ZFAND3: variants seen among roughly 807,000 people sequenced by gnomAD.
ZFAND3 encodes AN1-type zinc finger protein 3.
A neutral mutation model predicts 29.6 loss-of-function variants in ZFAND3; 10 were observed. The observed-to-expected ratio is 0.34, with a 90% confidence interval of 0.21 to 0.57. The LOEUF (loss-of-function observed/expected upper bound fraction) is 0.57, where lower values mean the gene tolerates loss of function less well. ZFAND3 is among the 20% of genes least tolerant of loss of function. The pLI is 0.86. For synonymous variants in ZFAND3, 128 were observed against 112.6 expected (o/e 1.14, Z -0.87); for missense variants, 230 against 304.5 (o/e 0.76, Z 1.82).
chr6:37,905,474 GTAAT>G (rs1276600453), intron 1 of ZFAND3, among the ~76,000 whole-genome samples: 2 of 152,188 alleles, frequency 1.3e-5, no homozygotes, highest in East Asian at 3.9e-4. Flanking sequence ...AACCAGTAAG[GTAAT>G]TAATAATTAA....
chr6:38,126,923 GTT>G (rs200448401), intron 5 of ZFAND3, among the ~76,000 whole-genome samples: 5 of 142,412 alleles, frequency 3.5e-5, no homozygotes, highest in African/African-American at 1.0e-4. Context: ...TTTTTAGATT[GTT>G]TTTTTTTTTG....
In ZFAND3 at chr6:38,134,637, C is replaced by T. The variant is rs1429662915; in HGVS notation, c.530-17598C>T. On this transcript the variant is annotated intron_variant, in intron 5 of 5. Coordinates refer to ENST00000287218, the MANE Select transcript of ZFAND3 (RefSeq NM_021943.3). ...TTTATTAGATGAGATTTCTATAGCA[C>T]CTTTACTCTGAGAAGATCAGTATCA... Among the ~76,000 whole-genome samples the T allele has an allele frequency of 2.0e-5, 3 of 152,174 alleles. No individual in the cohort carries two copies. The East Asian group carries it at 5.8e-4, about 29-fold the overall frequency.
Position 37,881,785 on chromosome 6 carries a change from TC to T in ZFAND3, c.72-48173del, listed in dbSNP as rs148769741. 3.1e-3 allele frequency among the ~76,000 whole-genome samples: 470 copies of T among 152,276 alleles called. 4 individuals are homozygous for T. The highest frequency in any genetic ancestry group is 0.011 in the African/African-American group (447 of 41,552). On this transcript the variant is annotated intron_variant, in intron 1 of 5. Coordinates refer to ENST00000287218, the MANE Select transcript of ZFAND3 (RefSeq NM_021943.3). ...AAAGTTCAGTGTTGAGAGCTGGACT[TC>T]AGGGATAGGGGTAGGCAAGAGTAGA... is the stretch of plus-strand genomic sequence containing the variant.
chr6:38,053,731 T>C (rs1018678466), intron 2 of ZFAND3, among the ~76,000 whole-genome samples: 1 of 152,140 alleles, frequency 6.6e-6, no homozygotes, highest in Non-Finnish European at 1.5e-5. Flanking sequence ...AGGAATCTTA[T>C]AGATGATGAT....
intron 2 of ZFAND3, among the ~76,000 whole-genome samples, chr6:38,053,943 TA>T (rs777488431): frequency 5.9e-5 from 9 of 152,028 alleles, no homozygotes; most frequent in Non-Finnish European, 1.2e-4. Context: ...AGACAAGGTC[TA>T]TTTTTTTTTT....
chr6:38,043,234 T>TC (rs1277905767), intron 2 of ZFAND3, among the ~76,000 whole-genome samples: 3 of 151,676 alleles, frequency 2.0e-5, no homozygotes, highest in Admixed American at 6.6e-5. Context: ...CCTCCGTATC[T>TC]CCCTTTTCCC....
At chr6:38,135,038 A>G (rs1394523552) in intron 5 of ZFAND3, among the ~76,000 whole-genome samples, 2 of 151,962 alleles carry the variant, frequency 1.3e-5, no homozygotes, top group Non-Finnish European at 2.9e-5. Flanking sequence ...GCCTGATGTC[A>G]GGGGGCACTA....
chr6:38,065,930 A>G (rs774578858), intron 3 of ZFAND3, among the ~76,000 whole-genome samples: 9 of 152,220 alleles, frequency 5.9e-5, no homozygotes, highest in Admixed American at 2.0e-4. Context: ...AGTGCTGAGT[A>G]TAGAAATGAG....
chr6:38,150,929 C>A (rs1014172134), intron 5 of ZFAND3, among the ~76,000 whole-genome samples: 5 of 152,146 alleles, frequency 3.3e-5, no homozygotes, highest in African/African-American at 1.2e-4. Flanking sequence ...TGATCCAGGC[C>A]CACGGGGCCT....
chr6:38,131,420 G>A (rs539635551), intron 5 of ZFAND3, among the ~76,000 whole-genome samples: 2 of 152,298 alleles, frequency 1.3e-5, no homozygotes, highest in African/African-American at 4.8e-5. Context: ...AGGTAAAAAC[G>A]CAGTTCTTTA....
At chr6:37,945,298 T>C (rs578011331) in intron 2 of ZFAND3, among the ~76,000 whole-genome samples, 49 of 152,344 alleles carry the variant, frequency 3.2e-4, no homozygotes, top group African/African-American at 1.0e-3. Flanking sequence ...GTATTATTCC[T>C]GTCTCAGGGC....
intron 1 of ZFAND3, among the ~76,000 whole-genome samples, chr6:37,906,083 T>G (rs188309677): frequency 2.4e-4 from 36 of 152,274 alleles, no homozygotes; most frequent in Admixed American, 8.5e-4. Flanking sequence ...TTAACCATTT[T>G]TAAGTAAATC....
chr6:38,012,028 T>G (rs1252127397), intron 2 of ZFAND3, among the ~76,000 whole-genome samples: 1 of 152,192 alleles, frequency 6.6e-6, no homozygotes, highest in Non-Finnish European at 1.5e-5. Context: ...TTGAAACAAA[T>G]TCTGTAATAG....
intron 1 of ZFAND3, among the ~76,000 whole-genome samples, chr6:37,914,690 A>G (rs1403309973): frequency 1.9e-4 from 5 of 26,958 alleles, no homozygotes; most frequent in Non-Finnish European, 3.4e-4. Context: ...TTTAGTGGAG[A>G]CGGGGTTTCG....
chr6:37,968,102 A>G (rs752567282), intron 2 of ZFAND3, among the ~76,000 whole-genome samples: 5 of 152,270 alleles, frequency 3.3e-5, no homozygotes, highest in Admixed American at 2.6e-4. Context: ...TCCTGGGTCA[A>G]TAATTTGTAT....
intron 2 of ZFAND3, among the ~76,000 whole-genome samples, chr6:37,958,323 G>A (rs1194720787): frequency 3.3e-5 from 5 of 151,858 alleles, no homozygotes; most frequent in South Asian, 2.1e-4. Context: ...GCGTGGTGGC[G>A]GGCGCCTGTA....
intron 2 of ZFAND3, among the ~76,000 whole-genome samples, chr6:37,957,925 ATTTG>A (rs1033373382): frequency 6.6e-6 from 1 of 152,192 alleles, no homozygotes; most frequent in African/African-American, 2.4e-5. Context: ...ATGCTCTATG[ATTTG>A]TTTGACTATA....
At chr6:38,060,364 C>A (rs1764210814) in intron 2 of ZFAND3, among the ~76,000 whole-genome samples, 4 of 151,646 alleles carry the variant, frequency 2.6e-5, no homozygotes, top group Admixed American at 2.6e-4. Context: ...TGTTCATCCT[C>A]TCCTCTCCCC....
intron 5 of ZFAND3, among the ~76,000 whole-genome samples, chr6:38,132,743 GTGGCATCTCCTGCATGGAGGATGTA>G (rs1018963732): frequency 6.6e-6 from 1 of 152,204 alleles, no homozygotes; most frequent in Non-Finnish European, 1.5e-5. Flanking sequence ...TGGAGGGAGT[GTGGCATCTCCTGCATGGAGGATGTA>G]TGGCATCTCC....
Sources: allele counts gnomAD v4.1 joint callset (sites outside exome capture counted in the v4.1 genomes callset), GRCh38; gene constraint gnomAD v4.1.1; transcripts MANE v1.5; gene names NCBI Gene and HGNC (gene_info 2026-07-23, HGNC 2026-07-21).